TBL1Y: variants seen among roughly 807,000 people sequenced by gnomAD.
The protein encoded by TBL1Y is transducin beta like 1 Y-linked.
In TBL1Y, 15 loss-of-function variants were observed where a neutral mutation model predicts 12.0. That is an observed-to-expected ratio of 1.25 (90% CI 0.83 to 1.92). TBL1Y has a LOEUF of 1.92. Ranked by LOEUF, TBL1Y falls within the 40% of genes most tolerant of loss-of-function variation. The probability of loss-of-function intolerance (pLI) is 0.00; values close to 1 mark genes in which losing one functional copy is unlikely to be tolerated. For synonymous variants in TBL1Y, 53 were observed against 42.6 expected, an observed-to-expected ratio of 1.24 and a Z score of -0.95; for missense variants, 148 against 116.7, an observed-to-expected ratio of 1.27 and a Z score of -1.24.
Position 6,949,894 on chromosome Y carries a change from A to G in TBL1Y, c.-265-28319A>G, listed in dbSNP as rs1603028352. 2.1e-4 allele frequency among the ~76,000 whole-genome samples: 7 copies of G among 33,714 alleles called. No individual in the cohort carries two copies. In the East Asian group the frequency reaches 5.3e-3, roughly 26 times the overall value. The allele number at this position is 33,714 out of a possible 37,273, so 90.5% of individuals were successfully genotyped here. A position where few individuals can be genotyped will look rare whatever the true frequency, so the allele number is the denominator to read the frequency against. Reference sequence around the variant, plus strand: ...TAGAACAATTTTGAGAATTCCTTCTAAGCCTTTTGGAATAAGTAAATTATT... The same window carrying G: ...TAGAACAATTTTGAGAATTCCTTCTGAGCCTTTTGGAATAAGTAAATTATT... On this transcript the variant is annotated intron_variant, in intron 2 of 18. Coordinates refer to ENST00000383032, the MANE Select transcript of TBL1Y (RefSeq NM_033284.2).
At position 7,064,162 on chromosome Y, in the gene TBL1Y, G is replaced by C. The variant is rs376840960; in HGVS notation, c.457+13G>C. The C allele has an allele frequency of 5.0e-5, 20 of 397,951 alleles. No homozygotes were observed. Among genetic ancestry groups the C allele is most frequent in the Non-Finnish European group, 6.7e-5 (19 of 283,123 alleles). ...GCACATGAAATCAGTGAGTGCGCAG[G>C]CTCTGGAAGTTTGGTGGGCCTCTCT... is the stretch of plus-strand genomic sequence containing the variant. On this transcript the variant is annotated intron_variant, in intron 8 of 18. Coordinates refer to ENST00000383032, the MANE Select transcript of TBL1Y (RefSeq NM_033284.2).
intron 2 of TBL1Y, among the ~76,000 whole-genome samples, chrY:6,951,518 G>A (rs2012026216): frequency 2.7e-4 from 9 of 33,161 alleles, no homozygotes; most frequent in Admixed American, 1.9e-3. Flanking sequence ...CTGTGGGATC[G>A]GTGGTGATAT....
intron 7 of TBL1Y, among the ~76,000 whole-genome samples, chrY:7,053,703 A>T (rs767454354): frequency 3.0e-4 from 10 of 33,751 alleles, no homozygotes; most frequent in Admixed American, 1.9e-3. Context: ...ATATTTTTTT[A>T]AAAAAGTCCA....
intron 2 of TBL1Y, among the ~76,000 whole-genome samples, chrY:6,924,331 G>C: frequency 3.1e-5 from 1 of 32,672 alleles, no homozygotes; most frequent in Admixed American, 2.8e-4. Flanking sequence ...GCTCACGCCT[G>C]TAATTCCAGC....
chrY:7,017,522 C>T (rs2012556629), intron 4 of TBL1Y, among the ~76,000 whole-genome samples: 1 of 33,465 alleles, frequency 3.0e-5, no homozygotes, highest in African/African-American at 1.2e-4. Flanking sequence ...TGACTGCTTT[C>T]GAGGAATGCC....
chrY:7,075,162 G>A, intron 13 of TBL1Y, among the ~76,000 whole-genome samples: 1 of 33,105 alleles, frequency 3.0e-5, no homozygotes, highest in Non-Finnish European at 7.4e-5. Context: ...GCCCATCTCA[G>A]TGCCTGGGGA....
intron 6 of TBL1Y, among the ~76,000 whole-genome samples, chrY:7,038,316 G>T: frequency 6.2e-5 from 2 of 32,259 alleles, no homozygotes; most frequent in Non-Finnish European, 1.5e-4. Context: ...TTCTCCTTAG[G>T]AATAATCTTA....
At chrY:7,023,328 A>G (rs2012592674) in intron 5 of TBL1Y, among the ~76,000 whole-genome samples, 2 of 33,016 alleles carry the variant, frequency 6.1e-5, no homozygotes, top group Non-Finnish European at 1.5e-4. Context: ...CATCCATAAC[A>G]GACCTGGGTA....
chrY:7,066,356 A>ATTG (rs1308090704), intron 8 of TBL1Y, among the ~76,000 whole-genome samples: 39 of 32,678 alleles, frequency 1.2e-3, no homozygotes, highest in East Asian at 7.4e-3. Context: ...TTTTGTTGTT[A>ATTG]TTGTTGTTGT....
intron 8 of TBL1Y, among the ~76,000 whole-genome samples, chrY:7,065,268 G>C: frequency 3.0e-5 from 1 of 33,051 alleles, no homozygotes; most frequent in Non-Finnish European, 7.4e-5. Context: ...TAGCGAATAA[G>C]TCTCATGAGA....
chrY:7,082,868 C>T (rs200722879), intron 14 of TBL1Y, among the ~76,000 whole-genome samples: 1 of 33,664 alleles, frequency 3.0e-5, no homozygotes, highest in East Asian at 7.9e-4. Context: ...AGAGGACGAT[C>T]GCGTTCCTGG....
intron 2 of TBL1Y, among the ~76,000 whole-genome samples, chrY:6,962,652 T>A (rs752223961): frequency 2.9e-5 from 1 of 34,073 alleles, no homozygotes; most frequent in South Asian, 6.5e-4. Flanking sequence ...CAGTAAACAC[T>A]GTCAGAACAT....
At position 7,087,290 on chromosome Y, in the gene TBL1Y, G is replaced by T; in HGVS notation, c.1304G>T (p.Arg435Leu). 1 of 391,625 alleles carries T rather than the reference G, an allele frequency of 2.6e-6. No homozygotes were observed. Among genetic ancestry groups the T allele is most frequent in the Non-Finnish European group, 3.6e-6 (1 of 280,594 alleles). ...AGTGCTTCATTTGATTCTACAGTGC[G>T]ACTGTGGGATGTGGAGCAAGGTGTC... ...LASASFDSTV[R>L]LWDVEQGVCT... The change falls in exon 17 of 19, where the codon CGA becomes CTA. Residue 435 changes from arginine (R) to leucine (L), a missense_variant. Transcript: ENST00000383032.
chrY:7,073,045 C>T (rs2013043350), intron 12 of TBL1Y, among the ~76,000 whole-genome samples: 10 of 33,988 alleles, frequency 2.9e-4, no homozygotes, highest in African/African-American at 1.0e-3. Context: ...CAGGCTTCCA[C>T]GAGACTTTGC....
chrY:7,032,859 AC>A (rs2012663536), intron 6 of TBL1Y, among the ~76,000 whole-genome samples: 2 of 33,804 alleles, frequency 5.9e-5, no homozygotes, highest in Admixed American at 5.4e-4. Context: ...TTATAGCACT[AC>A]ATGCCCATAA....
chrY:6,936,615 T>G, intron 2 of TBL1Y, among the ~76,000 whole-genome samples: 1 of 33,900 alleles, frequency 2.9e-5, no homozygotes, highest in African/African-American at 1.2e-4. Flanking sequence ...GATAATACTT[T>G]TGGTTCAGAG....
intron 5 of TBL1Y, among the ~76,000 whole-genome samples, chrY:7,023,264 A>G (rs2012592109): frequency 4.9e-4 from 16 of 32,846 alleles, no homozygotes; most frequent in Admixed American, 1.5e-3. Flanking sequence ...GTGAAGGCTT[A>G]TAATTGTTTC....
intron 2 of TBL1Y, among the ~76,000 whole-genome samples, chrY:6,962,932 A>G: frequency 3.0e-5 from 1 of 33,361 alleles, no homozygotes; most frequent in Non-Finnish European, 7.4e-5. Flanking sequence ...AGTACAATGT[A>G]AAAGTCTTTA....
At position 7,090,178 on chromosome Y, in the gene TBL1Y, G is replaced by T; in HGVS notation, c.1536G>T (p.Ala512=). 7.6e-6 allele frequency: 3 copies of T among 396,906 alleles called. No homozygotes were observed. The highest frequency in any genetic ancestry group is 1.1e-5 in the Non-Finnish European group (3 of 282,004). Residue 512 remains alanine (A), a synonymous_variant, in exon 18 of 19, where the codon GCG becomes GCT. Transcript: ENST00000383032. ...NARGDKVGAS[A]SDGSVCVLDL ...GAGGAGATAAAGTGGGCGCCAGCGC[G>T]TCTGATGGCTCTGTAAGCAACACCT...
Sources: allele counts gnomAD v4.1 joint callset (sites outside exome capture counted in the v4.1 genomes callset), GRCh38; gene constraint gnomAD v4.1.1; transcripts MANE v1.5; gene names NCBI Gene and HGNC (gene_info 2026-07-23, HGNC 2026-07-21).